The following RPS6KC1 variants were observed in gnomAD, a reference collection of about 807,000 sequenced individuals.
RPS6KC1 encodes the protein ribosomal protein S6 kinase C1, also known as inactive ribosomal protein S6 kinase delta-1.
A neutral mutation model predicts 103.8 loss-of-function variants in RPS6KC1; 54 were observed. The ratio of observed to expected loss-of-function variants is 0.52; its 90% confidence interval spans 0.42 to 0.65. RPS6KC1 has a LOEUF of 0.65. Ranked by LOEUF, RPS6KC1 falls within the 30% of genes least tolerant of loss-of-function variation. The pLI is 0.00. For missense variants in RPS6KC1, 1,151 were observed against 1,253.8 expected (o/e 0.92, Z 1.24); for synonymous variants, 439 against 438.7 (o/e 1.00, Z -0.01).
chr1:213,202,185 A>G (rs2093187992), intron 8 of RPS6KC1, among the ~76,000 whole-genome samples: 1 of 152,044 alleles, frequency 6.6e-6, no homozygotes, highest in African/African-American at 2.4e-5. Context: ...TCAGAACTGA[A>G]TTTCTTTGAT....
At chr1:213,144,351 C>G (rs2087460071) in intron 6 of RPS6KC1, among the ~76,000 whole-genome samples, 1 of 152,060 alleles carries the variant, frequency 6.6e-6, no homozygotes, top group Non-Finnish European at 1.5e-5. Flanking sequence ...TCATAGCTCA[C>G]TGCAGCATCA....
the RPS6KC1 span, among the ~76,000 whole-genome samples, chr1:213,637,965 C>T: frequency 9.0e-4 from 137 of 151,998 alleles, no homozygotes; most frequent in African/African-American, 3.0e-3. Flanking sequence ...TATAGCTGTG[C>T]ACCATCACAC....
At chr1:213,463,375 C>T in the RPS6KC1 span, among the ~76,000 whole-genome samples, 1 of 152,114 alleles carries the variant, frequency 6.6e-6, no homozygotes, top group African/African-American at 2.4e-5. Context: ...TGTCTGAGAA[C>T]ATTTCTTTTT....
intron 8 of RPS6KC1, among the ~76,000 whole-genome samples, chr1:213,181,234 G>A (rs1257374365): frequency 1.3e-5 from 2 of 152,212 alleles, no homozygotes. Flanking sequence ...AGGAAGATCG[G>A]TGAAGATCGT....
At chr1:213,346,233 A>G in the RPS6KC1 span, among the ~76,000 whole-genome samples, 1 of 152,216 alleles carries the variant, frequency 6.6e-6, no homozygotes, top group Non-Finnish European at 1.5e-5. Flanking sequence ...TTATAAGCTA[A>G]TATACCATAG....
the RPS6KC1 span, among the ~76,000 whole-genome samples, chr1:213,631,510 C>T: frequency 2.0e-5 from 3 of 151,916 alleles, no homozygotes; most frequent in African/African-American, 7.3e-5. Context: ...TGATTACAAA[C>T]AATGTCAGAA....
chr1:213,742,147 C>T, the RPS6KC1 span, among the ~76,000 whole-genome samples: 6 of 152,216 alleles, frequency 3.9e-5, no homozygotes, highest in South Asian at 1.2e-3. Flanking sequence ...GAACCAAACA[C>T]ACATGCTAAT....
chr1:213,586,231 C>T, the RPS6KC1 span, among the ~76,000 whole-genome samples: 1 of 152,200 alleles, frequency 6.6e-6, no homozygotes, highest in Non-Finnish European at 1.5e-5. Context: ...CTGTAAACCT[C>T]CCCGGGATGA....
intron 8 of RPS6KC1, among the ~76,000 whole-genome samples, chr1:213,190,559 A>G (rs1172180175): frequency 6.6e-6 from 1 of 152,084 alleles, no homozygotes; most frequent in African/African-American, 2.4e-5. Context: ...TTCATCCCCT[A>G]TGAGATGGGT....
chr1:213,085,413 G>A (rs1047022806), intron 3 of RPS6KC1, among the ~76,000 whole-genome samples: 2 of 152,164 alleles, frequency 1.3e-5, no homozygotes, highest in Non-Finnish European at 2.9e-5. Flanking sequence ...ACAGGTTCCA[G>A]GGATTAGCTT....
At chr1:213,445,722 G>A in the RPS6KC1 span, among the ~76,000 whole-genome samples, 6,917 of 152,254 alleles carry the variant, frequency 0.045, 180 homozygotes, top group Middle Eastern at 0.095. Context: ...CCACACCCTC[G>A]TTATTGTGGC....
intron 8 of RPS6KC1, among the ~76,000 whole-genome samples, chr1:213,218,798 TG>T (rs1558563894): frequency 1.3e-5 from 2 of 152,186 alleles, no homozygotes; most frequent in African/African-American, 4.8e-5. Context: ...TAAATGGTGC[TG>T]GGAAAACTGG....
chr1:213,330,408 T>C, the RPS6KC1 span, among the ~76,000 whole-genome samples: 1 of 152,324 alleles, frequency 6.6e-6, no homozygotes, highest in South Asian at 2.1e-4. Context: ...GAGAGACATG[T>C]AAACAATGAG....
At chr1:213,120,272 G>A (rs2084232565) in intron 5 of RPS6KC1, among the ~76,000 whole-genome samples, 1 of 152,150 alleles carries the variant, frequency 6.6e-6, no homozygotes, top group South Asian at 2.1e-4. Flanking sequence ...TGCTGTTAAT[G>A]GTTATGTTGT....
chr1:213,425,154 T>C, the RPS6KC1 span, among the ~76,000 whole-genome samples: 4 of 150,960 alleles, frequency 2.6e-5, no homozygotes, highest in East Asian at 1.9e-4. Flanking sequence ...AAAAAATCTT[T>C]CCCCCCCTTA....
At chr1:213,698,267 C>T in the RPS6KC1 span, among the ~76,000 whole-genome samples, 3 of 152,050 alleles carry the variant, frequency 2.0e-5, no homozygotes, top group Admixed American at 1.3e-4. Context: ...TTGTGGTTTC[C>T]GCTGTTATCA....
chr1:213,261,841 G>A (rs987637947), intron 13 of RPS6KC1, among the ~76,000 whole-genome samples: 1 of 152,138 alleles, frequency 6.6e-6, no homozygotes, highest in African/African-American at 2.4e-5. Flanking sequence ...TGAATAAATT[G>A]ATGGTAAAGT....
At chr1:213,747,837 A>G in the RPS6KC1 span, among the ~76,000 whole-genome samples, 1 of 152,220 alleles carries the variant, frequency 6.6e-6, no homozygotes, top group Non-Finnish European at 1.5e-5. Flanking sequence ...AGTGGGGACA[A>G]CATTTCTCAA....
chr1:213,505,647 A>C, the RPS6KC1 span, among the ~76,000 whole-genome samples: 2 of 152,196 alleles, frequency 1.3e-5, no homozygotes, highest in African/African-American at 4.8e-5. Context: ...CATGGGCCAG[A>C]TGCTGTTAGA....
Sources: allele counts gnomAD v4.1 joint callset (sites outside exome capture counted in the v4.1 genomes callset), GRCh38; gene constraint gnomAD v4.1.1; transcripts MANE v1.5; gene names NCBI Gene and HGNC (gene_info 2026-07-23, HGNC 2026-07-21).